GPR39: variants seen among roughly 807,000 people sequenced by gnomAD.
The protein encoded by GPR39 is G protein-coupled receptor 39.
Under a neutral mutation model 18.4 loss-of-function variants are expected in GPR39, and 23 were observed. That is an observed-to-expected ratio of 1.25 (90% CI 0.90 to 1.77). The LOEUF is 1.77. Ranked by LOEUF, GPR39 falls within the 40% of genes most tolerant of loss-of-function variation. GPR39 has a pLI of 0.00. For missense variants in GPR39, 647 were observed against 602.4 expected (o/e 1.07, Z -0.78); for synonymous variants, 280 against 257.9 (o/e 1.09, Z -0.82).
intron 1 of GPR39, among the ~76,000 whole-genome samples, chr2:132,445,090 A>G (rs1680510422): frequency 6.6e-6 from 1 of 152,196 alleles, no homozygotes; most frequent in African/African-American, 2.4e-5. Flanking sequence ...ATTATAGAAT[A>G]ATCATTTAAA....
intron 1 of GPR39, among the ~76,000 whole-genome samples, chr2:132,516,282 C>G (rs1679331697): frequency 1.3e-5 from 2 of 152,178 alleles, no homozygotes. Flanking sequence ...TTCAGAGCTT[C>G]TCATCAGACA....
chr2:132,438,277 A>G (rs13033907), intron 1 of GPR39, among the ~76,000 whole-genome samples: 10,892 of 152,268 alleles, frequency 0.072, 495 homozygotes, highest in Non-Finnish European at 0.1. Flanking sequence ...GAGTGCTTTC[A>G]TAAGTTGTTG....
intron 1 of GPR39, among the ~76,000 whole-genome samples, chr2:132,518,991 AGCT>A (rs1424781827): frequency 6.6e-6 from 1 of 152,228 alleles, no homozygotes; most frequent in Non-Finnish European, 1.5e-5. Context: ...TTCATAACAA[AGCT>A]GCATTTCCCT....
At chr2:132,643,031 A>G (rs7608591) in intron 1 of GPR39, among the ~76,000 whole-genome samples, 89,187 of 152,048 alleles carry the variant, frequency 0.59, 28,084 homozygotes, top group African/African-American at 0.82. Flanking sequence ...GAATAGCACA[A>G]GTGGCTGGGA....
intron 1 of GPR39, among the ~76,000 whole-genome samples, chr2:132,554,740 G>A (rs931814357): frequency 1.3e-5 from 2 of 152,126 alleles, no homozygotes; most frequent in African/African-American, 4.8e-5. Flanking sequence ...TTTGCAGCAC[G>A]GCTCATTTCT....
intron 1 of GPR39, among the ~76,000 whole-genome samples, chr2:132,607,984 T>G (rs1477767877): frequency 6.6e-6 from 1 of 152,150 alleles, no homozygotes; most frequent in Non-Finnish European, 1.5e-5. Flanking sequence ...AGAGCAATTC[T>G]CTGGTTTTGG....
At chr2:132,550,477 A>T (rs1252727260) in intron 1 of GPR39, among the ~76,000 whole-genome samples, 1 of 152,200 alleles carries the variant, frequency 6.6e-6, no homozygotes, top group Admixed American at 6.5e-5. Flanking sequence ...GTTCCAATGC[A>T]CTTTGAAAAG....
intron 1 of GPR39, among the ~76,000 whole-genome samples, chr2:132,565,595 A>C (rs1453334448): frequency 9.3e-5 from 11 of 118,246 alleles, no homozygotes; most frequent in East Asian, 5.4e-4. Context: ...ATTCCCCTTC[A>C]TGTGTCCATG....
Position 132,645,465 on chromosome 2 carries a change from G to A in GPR39, c.1221G>A (p.Lys407=). ...RRQSSARRTE[K]IFLSTFQSEA... is the part of the protein sequence containing the mutation. ...AGTCCTCTGCAAGGAGAACTGAGAAGATTTTCTTAAGCACTTTTCAGAGCG... is the reference window on the plus strand; with the variant it reads ...AGTCCTCTGCAAGGAGAACTGAGAAAATTTTCTTAAGCACTTTTCAGAGCG... Residue 407 remains lysine (K), a synonymous_variant, in exon 2 of 2, where the codon AAG becomes AAA. Coordinates refer to ENST00000329321, the MANE Select transcript of GPR39 (RefSeq NM_001508.3). 1.2e-6 allele frequency: 2 copies of A among 1,613,896 alleles called. No individual in the cohort carries two copies. The highest frequency in any genetic ancestry group is 1.7e-6 in the Non-Finnish European group (2 of 1,180,016).
Position 132,615,936 on chromosome 2 carries a change from CTTT to C in GPR39, c.857-29149_857-29147del, listed in dbSNP as rs35978559. ...TGGCTTGTCTCACCCCATTCCAGCT[CTTT>C]TTTTTTTTTTTTTTTGGACCCAGTT... On this transcript the variant is annotated intron_variant, in intron 1 of 1. Transcript: ENST00000329321. Among the ~76,000 whole-genome samples, 260 of 134,068 alleles carry C rather than the reference CTTT, an allele frequency of 1.9e-3. 2 individuals carry two copies. Among genetic ancestry groups the C allele is most frequent in the East Asian group, 9.5e-3 (43 of 4,538 alleles). The allele number at this position is 134,068 out of a possible 152,430, so 88.0% of individuals were successfully genotyped here.
chr2:132,428,114 T>C (rs1048145910), intron 1 of GPR39, among the ~76,000 whole-genome samples: 1 of 151,996 alleles, frequency 6.6e-6, no homozygotes, highest in African/African-American at 2.4e-5. Context: ...AAAAAACTTC[T>C]GTAGGAACTA....
intron 1 of GPR39, among the ~76,000 whole-genome samples, chr2:132,427,747 C>G (rs1680152934): frequency 6.7e-6 from 1 of 150,260 alleles, no homozygotes; most frequent in Admixed American, 6.7e-5. Flanking sequence ...AGTATAGTGA[C>G]TATTCACAGA....
chr2:132,622,774 T>C (rs1681465264), intron 1 of GPR39, among the ~76,000 whole-genome samples: 1 of 152,180 alleles, frequency 6.6e-6, no homozygotes, highest in African/African-American at 2.4e-5. Flanking sequence ...TGTGATGCCA[T>C]ACCAGAAGAA....
intron 1 of GPR39, among the ~76,000 whole-genome samples, chr2:132,598,954 T>C (rs6721155): frequency 0.22 from 33,429 of 151,936 alleles, 3,959 homozygotes; most frequent in African/African-American, 0.29. Context: ...GAAAATGATG[T>C]AGCAGGGAAA....
intron 1 of GPR39, among the ~76,000 whole-genome samples, chr2:132,470,794 C>T (rs1173606357): frequency 6.6e-6 from 1 of 152,022 alleles, no homozygotes. Flanking sequence ...GTGTCAGCTG[C>T]ATTTGTCCAG....
chr2:132,453,906 A>G (rs1680674458), intron 1 of GPR39, among the ~76,000 whole-genome samples: 1 of 152,198 alleles, frequency 6.6e-6, no homozygotes, highest in Non-Finnish European at 1.5e-5. Flanking sequence ...GTTTAAAGTC[A>G]GGTAGTGTGA....
rs145492278 is a variant in GPR39, at chr2:132,604,847, G to A, written c.857-40254G>A. The A allele has an allele frequency of 4.6e-5, 7 of 152,432 alleles. 1 individual carries two copies. Among genetic ancestry groups the A allele is most frequent in the African/African-American group, 1.2e-4 (5 of 41,576 alleles). 9.4% of individuals were successfully genotyped at this position (152,432 alleles called of 1,614,324 possible). A position where few individuals can be genotyped will look rare whatever the true frequency, so the allele number is the denominator to read the frequency against. On this transcript the variant is annotated intron_variant, in intron 1 of 1. Coordinates refer to ENST00000329321, the MANE Select transcript of GPR39 (RefSeq NM_001508.3). ...GAAACATGAAAAATGCATGGTGCTT[G>A]GAAAGTAAGGAGCAGCTTAATGTGG...
rs1422932362 is a variant in GPR39, at chr2:132,557,511, ATT to A, written c.857-87589_857-87588del. ...ATGCCAGAGAGTGGGTCATTTGGGAATTCTCTCATGGGATTCAATTACCATAA... is the reference window on the plus strand; with the variant it reads ...ATGCCAGAGAGTGGGTCATTTGGGAACTCTCATGGGATTCAATTACCATAA... On this transcript the variant is annotated intron_variant, in intron 1 of 1. Transcript: ENST00000329321. 2.0e-5 allele frequency among the ~76,000 whole-genome samples: 3 copies of A among 152,104 alleles called. No individual in the cohort carries two copies. In the East Asian group the frequency reaches 5.8e-4, roughly 29 times the overall value.
intron 1 of GPR39, among the ~76,000 whole-genome samples, chr2:132,618,053 T>C (rs911905054): frequency 6.6e-6 from 1 of 152,180 alleles, no homozygotes; most frequent in Non-Finnish European, 1.5e-5. Context: ...CCCCTAAATA[T>C]GTCCCCTCCA....
Sources: allele counts gnomAD v4.1 joint callset (sites outside exome capture counted in the v4.1 genomes callset), GRCh38; gene constraint gnomAD v4.1.1; transcripts MANE v1.5; gene names NCBI Gene and HGNC (gene_info 2026-07-23, HGNC 2026-07-21).